The following MMAA variants were observed in gnomAD, a reference collection of about 807,000 sequenced individuals.
MMAA encodes the protein methylmalonic aciduria type A protein, mitochondrial.
MMAA carries 41 observed loss-of-function variants against 45.0 expected under a neutral mutation model. That is an observed-to-expected ratio of 0.91 (90% CI 0.71 to 1.18). The LOEUF (loss-of-function observed/expected upper bound fraction) is 1.18, where lower values mean the gene tolerates loss of function less well. Among genes scored for constraint, MMAA ranks in the 50% most tolerant of loss-of-function variants. The pLI, the probability that MMAA is intolerant of heterozygous loss-of-function variation, is 0.00. For synonymous variants in MMAA, 154 were observed against 178.2 expected, an observed-to-expected ratio of 0.86 and a Z score of 1.08; for missense variants, 460 against 495.7, an observed-to-expected ratio of 0.93 and a Z score of 0.68.
chr4:145,651,049 T>C lies in MMAA; in HGVS notation c.734-13T>C, dbSNP rs765724008. 77 of 1,612,804 alleles carry C rather than the reference T, an allele frequency of 4.8e-5. No individual in the cohort carries two copies. The highest frequency in any genetic ancestry group is 6.0e-5 in the Non-Finnish European group (71 of 1,178,866). On this transcript the variant is annotated splice_polypyrimidine_tract_variant and intron_variant, in intron 4 of 6. Transcript: ENST00000649156. ...TGAGTATTTTAGGATATAGTTGTGATTTACAATTTCAGGTGTGGGTCAGTC... is the reference window on the plus strand; with the variant it reads ...TGAGTATTTTAGGATATAGTTGTGACTTACAATTTCAGGTGTGGGTCAGTC...
At chr4:145,636,840 G>A (rs1717982042) in intron 1 of MMAA, among the ~76,000 whole-genome samples, 1 of 152,186 alleles carries the variant, frequency 6.6e-6, no homozygotes, top group Non-Finnish European at 1.5e-5. Context: ...TTTAAGATAA[G>A]ATAATGAACG....
In MMAA at chr4:145,656,996, CAAAA is replaced by C. The variant is rs905222448; in HGVS notation, c.*1567_*1570del. 6.6e-6 allele frequency: 1 copy of C among 151,634 alleles called. No individual in the cohort carries two copies. The highest frequency in any genetic ancestry group is 2.4e-5 in the African/African-American group (1 of 41,268). The allele number at this position is 151,634 out of a possible 1,614,324, so 9.4% of individuals were successfully genotyped here. A position where few individuals can be genotyped will look rare whatever the true frequency, so the allele number is the denominator to read the frequency against. On this transcript the variant is annotated 3_prime_UTR_variant, in exon 7 of 7. Coordinates refer to ENST00000649156, the MANE Select transcript of MMAA (RefSeq NM_172250.3). Reference sequence around the variant, plus strand: ...ACTACCATTAAACCACCCTATCAGACAAAAAAAACTGGTTTTTAGAAACCTGAGA... The same window carrying C: ...ACTACCATTAAACCACCCTATCAGACAAAACTGGTTTTTAGAAACCTGAGA...
rs780852556 is a variant in MMAA, at chr4:145,655,229, C to G, written c.1052C>G (p.Ala351Gly). Residue 351 changes from alanine to glycine, a missense_variant, in exon 7 of 7, where the codon GCC becomes GGC. Transcript: ENST00000649156. ...AAAGATTTCCAGGACCTAATGCTTG[C>G]CAGTGGGGAGCTGACTGCCAAACGA... ...KMKDFQDLML[A>G]SGELTAKRRK... 6.2e-7 allele frequency: 1 copy of G among 1,614,084 alleles called. No individual in the cohort carries two copies. The highest frequency in any genetic ancestry group is 1.1e-5 in the South Asian group (1 of 91,060).
chr4:145,650,905 A>G (rs944693084), intron 4 of MMAA, 157 bp from the exon 5 acceptor site: 1 of 710,108 alleles, frequency 1.4e-6, no homozygotes, highest in Non-Finnish European at 2.5e-6. Context: ...TATGACATTT[A>G]ATACATTCTT....
chr4:145,649,364 C>T (rs74405925), intron 4 of MMAA, among the ~76,000 whole-genome samples: 1 of 152,146 alleles, frequency 6.6e-6, no homozygotes, highest in Admixed American at 6.5e-5. Context: ...ACAGTGCCCT[C>T]GGTGTCACAG....
chr4:145,647,115 G>T (rs1727947027), intron 4 of MMAA, among the ~76,000 whole-genome samples: 1 of 152,202 alleles, frequency 6.6e-6, no homozygotes, highest in Non-Finnish European at 1.5e-5. Flanking sequence ...GAAGGAGATG[G>T]TGGAGGTCTG....
chr4:145,651,021 T>C (rs765912031), intron 4 of MMAA, 41 bp from the exon 5 acceptor site: 10 of 1,547,590 alleles, frequency 6.5e-6, no homozygotes, highest in Middle Eastern at 1.7e-4. Context: ...AGTCAAATAA[T>C]GGTGAGTATT....
intron 2 of MMAA, among the ~76,000 whole-genome samples, chr4:145,640,152 G>T (rs1165866473): frequency 6.6e-6 from 1 of 152,058 alleles, no homozygotes; most frequent in Non-Finnish European, 1.5e-5. Context: ...TGTCGCCCAG[G>T]CTGGAGTGCA....
Position 145,655,382 on chromosome 4 carries a change from C to T in MMAA, c.1205C>T (p.Ser402Phe), listed in dbSNP as rs1291168583. 6.2e-7 allele frequency: 1 copy of T among 1,613,914 alleles called. No individual in the cohort carries two copies. Among genetic ancestry groups the T allele is most frequent in the Non-Finnish European group, 8.5e-7 (1 of 1,179,982 alleles). Residue 402 changes from serine to phenylalanine, a missense_variant, in exon 7 of 7, where the codon TCC becomes TTC. Ser to Phe is a radical substitution (Grantham distance 155). Coordinates refer to ENST00000649156, the MANE Select transcript of MMAA (RefSeq NM_172250.3). ...CAAAAGGTTCTCATTGGGGCCCTGT[C>T]CCCAGGACTAGCAGCAGACTTCTTG... is the stretch of plus-strand genomic sequence containing the variant. ...LEQKVLIGAL[S>F]PGLAADFLLK...
At chr4:145,644,231 A>T (rs978338692) in intron 3 of MMAA, among the ~76,000 whole-genome samples, 2 of 152,212 alleles carry the variant, frequency 1.3e-5, no homozygotes, top group African/African-American at 4.8e-5. Context: ...GTGTGATGGG[A>T]TCTATAGGAT....
In MMAA at chr4:145,655,332, C is replaced by T. The variant is rs1483920656; in HGVS notation, c.1155C>T (p.Val385=). 1 of 1,614,184 alleles carries T rather than the reference C, an allele frequency of 6.2e-7. No homozygotes were observed. Among genetic ancestry groups the T allele is most frequent in the Non-Finnish European group, 8.5e-7 (1 of 1,180,022 alleles). The change falls in exon 7 of 7, where the codon GTC becomes GTT. Residue 385 remains valine (V), a synonymous_variant. Transcript: ENST00000649156. ...VLEHFRTHPT[V]REQIPLLEQK... ...AGCATTTCAGGACCCACCCCACAGTCCGGGAACAGATTCCACTTCTGGAAC... is the reference window on the plus strand; with the variant it reads ...AGCATTTCAGGACCCACCCCACAGTTCGGGAACAGATTCCACTTCTGGAAC...
intron 2 of MMAA, among the ~76,000 whole-genome samples, chr4:145,640,493 G>A (rs2126618301): frequency 6.6e-6 from 1 of 152,104 alleles, no homozygotes; most frequent in Admixed American, 6.5e-5. Flanking sequence ...CCAATATCAT[G>A]CCTCCAACAT....
At chr4:145,626,147 G>C (rs1734202385) in intron 1 of MMAA, 1 of 491,326 alleles carries the variant, frequency 2.0e-6, no homozygotes, top group Non-Finnish European at 3.6e-6. Context: ...TTCGATTATT[G>C]ATCTAGTTCT....
chr4:145,657,841 G>A lies in MMAA; in HGVS notation c.*2407G>A, dbSNP rs1728275384. 1.3e-5 allele frequency: 2 copies of A among 152,170 alleles called. No individual in the cohort carries two copies. Among genetic ancestry groups the A allele is most frequent in the Non-Finnish European group, 2.9e-5 (2 of 68,042 alleles). The allele number at this position is 152,170 out of a possible 1,614,324, so 9.4% of individuals were successfully genotyped here. On this transcript the variant is annotated 3_prime_UTR_variant, in exon 7 of 7. Transcript: ENST00000649156. ...TTACATATAATCCTTGGATATAAAT[G>A]CTGATGAAGTTTGGATATTTGTCCC... is the stretch of plus-strand genomic sequence containing the variant.
At chr4:145,646,424 T>C (rs1454261692) in intron 4 of MMAA, 3 of 419,404 alleles carry the variant, frequency 7.2e-6, no homozygotes, top group Non-Finnish European at 1.3e-5. Context: ...CTGTAAACAT[T>C]AGGATGATCT....
At chr4:145,640,923 G>GTAAATTTTGTGT (rs1727762330) in intron 2 of MMAA, among the ~76,000 whole-genome samples, 25 of 152,070 alleles carry the variant, frequency 1.6e-4, no homozygotes, top group Admixed American at 1.6e-3. Context: ...AAATTTTGTG[G>GTAAATTTTGTGT]AGAATGAGTA....
At chr4:145,635,299 G>T (rs1727581839) in intron 1 of MMAA, among the ~76,000 whole-genome samples, 1 of 152,162 alleles carries the variant, frequency 6.6e-6, no homozygotes, top group African/African-American at 2.4e-5. Context: ...GTGGTTAATA[G>T]TTCCTTCTGT....
intron 2 of MMAA, among the ~76,000 whole-genome samples, chr4:145,641,366 A>G (rs1029846803): frequency 6.6e-6 from 1 of 152,162 alleles, no homozygotes; most frequent in Admixed American, 6.5e-5. Flanking sequence ...ACCTGTCTTT[A>G]TTGCAGTTAT....
chr4:145,625,003 A>G, intron 1 of MMAA: 5 of 950,214 alleles, frequency 5.3e-6, no homozygotes, highest in Non-Finnish European at 8.6e-6. Context: ...TGACAAGCCA[A>G]TCATTCATAT....
Sources: gnomAD v4.1 joint callset for allele counts (sites outside exome capture counted in the v4.1 genomes callset) on GRCh38, gnomAD v4.1.1 for gene constraint, MANE v1.5 for transcripts, NCBI Gene and HGNC (gene_info 2026-07-23, HGNC 2026-07-21) for gene names.